Variants in POMP observed in about 807,000 individuals in gnomAD.
POMP encodes proteasome maturation protein.
Under a neutral mutation model 20.6 loss-of-function variants are expected in POMP, and 12 were observed. The observed-to-expected ratio is 0.58, with a 90% CI of 0.37 to 0.94. POMP has a LOEUF of 0.94. Among genes scored for constraint, POMP ranks in the 40% least tolerant of loss-of-function variants. The pLI, the probability that POMP is intolerant of heterozygous loss-of-function variation, is 0.01. For synonymous variants in POMP, 53 were observed against 55.0 expected, an observed-to-expected ratio of 0.96 and a Z score of 0.16; for missense variants, 136 against 161.1, an observed-to-expected ratio of 0.84 and a Z score of 0.84.
At position 28,678,062 on chromosome 13, in the gene POMP, A is replaced by G; in HGVS notation, c.386A>G (p.Glu129Gly). 6.2e-7 allele frequency: 1 copy of G among 1,614,098 alleles called. No homozygotes were observed. The highest frequency in any genetic ancestry group is 8.5e-7 in the Non-Finnish European group (1 of 1,179,986). The change falls in exon 6 of 6, where the codon GAG (glutamate) becomes GGG (glycine). Residue 129 changes from glutamate (E) to glycine (G), a missense_variant. Physicochemically the swap from Glu to Gly is moderately conservative, Grantham distance 98. Coordinates refer to ENST00000380842, the MANE Select transcript of POMP (RefSeq NM_015932.6). ...NDPSQSEVMG[E>G]PHLMVEYKLG... The stretch of plus-strand genomic sequence containing the variant: ...CCATCACAAAGCGAAGTCATGGGAG[A>G]GCCACACTTGATGGTGGAATATAAA...
At chr13:28,675,917 A>G (rs569660866) in intron 5 of POMP, among the ~76,000 whole-genome samples, 2 of 152,142 alleles carry the variant, frequency 1.3e-5, no homozygotes, top group Admixed American at 6.5e-5. Context: ...CAGAACAAGA[A>G]CTCACTTATC....
intron 1 of POMP, among the ~76,000 whole-genome samples, chr13:28,660,930 T>G (rs1884328170): frequency 6.6e-6 from 1 of 152,160 alleles, no homozygotes; most frequent in African/African-American, 2.4e-5. Context: ...AGAATGCTGT[T>G]GAAGTTATCC....
rs1047489241 is a variant in POMP at position 28,678,351 on chromosome 13, G to C, written c.*249G>C. 3 of 452,170 alleles carry C rather than the reference G, an allele frequency of 6.6e-6. No individual in the cohort carries two copies. Among genetic ancestry groups the C allele is most frequent in the Non-Finnish European group, 1.2e-5 (3 of 250,614 alleles). 28.0% of individuals were successfully genotyped at this position (452,170 alleles called of 1,614,324 possible). On this transcript the variant is annotated 3_prime_UTR_variant, in exon 6 of 6. Coordinates refer to ENST00000380842, the MANE Select transcript of POMP (RefSeq NM_015932.6). Reference sequence around the variant, plus strand: ...AGCCTTTGTCTTTAAAAAAGTTGTTGCTCATGAATATTATAAAATGATCTA... The same window carrying C: ...AGCCTTTGTCTTTAAAAAAGTTGTTCCTCATGAATATTATAAAATGATCTA...
intron 4 of POMP, among the ~76,000 whole-genome samples, 200 bp from the exon 5 acceptor site, chr13:28,672,139 A>G (rs1884558801): frequency 6.6e-6 from 1 of 152,260 alleles, no homozygotes; most frequent in Non-Finnish European, 1.5e-5. Flanking sequence ...ATTGTTAATG[A>G]AAAGTATAAT....
intron 5 of POMP, among the ~76,000 whole-genome samples, chr13:28,675,202 G>A (rs992067000): frequency 5.9e-5 from 9 of 151,512 alleles, no homozygotes; most frequent in East Asian, 1.9e-4. Context: ...GTGCAGTGGC[G>A]CGATCTCGGC....
intron 1 of POMP, among the ~76,000 whole-genome samples, chr13:28,661,022 C>T (rs371722752): frequency 7.4e-4 from 113 of 152,166 alleles, no homozygotes; most frequent in African/African-American, 2.4e-3. Flanking sequence ...AATATACAAA[C>T]GAATTAAGAA....
At position 28,668,690 on chromosome 13, in the gene POMP, C is replaced by G. The variant is rs1884488121; in HGVS notation, c.264+116C>G. ...TACAACCTATTCTACTTCCCTCCCC[C>G]TTTTTAGGGTATGACCTTGATTTCT... On this transcript the variant is annotated intron_variant, in intron 4 of 5. Coordinates refer to ENST00000380842, the MANE Select transcript of POMP (RefSeq NM_015932.6). 7.3e-6 allele frequency: 6 copies of G among 819,958 alleles called. No homozygotes were observed. In the South Asian group the frequency reaches 8.7e-5, roughly 12 times the overall value. The allele number at this position is 819,958 out of a possible 1,614,324, so 50.8% of individuals were successfully genotyped here.
At chr13:28,668,441 T>TG in intron 3 of POMP, 32 bp from the exon 4 acceptor site, 3 of 1,450,138 alleles carry the variant, frequency 2.1e-6, no homozygotes, top group Non-Finnish European at 2.9e-6. Flanking sequence ...GAGTATTGAG[T>TG]GTAATGTTTA....
intron 5 of POMP, among the ~76,000 whole-genome samples, chr13:28,676,754 G>A (rs973085049): frequency 5.3e-5 from 8 of 152,166 alleles, no homozygotes; most frequent in African/African-American, 1.9e-4. Context: ...AAGGACACTA[G>A]TAGAATCAAA....
chr13:28,671,182 G>A (rs1460678322), intron 4 of POMP, among the ~76,000 whole-genome samples: 5 of 152,092 alleles, frequency 3.3e-5, no homozygotes, highest in African/African-American at 1.2e-4. Flanking sequence ...GTTGAATCTT[G>A]GCTTAGCCAT....
rs1319412491 is a variant in POMP, at chr13:28,659,192, G to A, written c.3+5G>A. On this transcript the variant is annotated splice_donor_5th_base_variant and intron_variant, in intron 1 of 5. Transcript: ENST00000380842. ...TTCGCAGAGCTGCGGAAGATGGTGA[G>A]TGGGTACCCGGGCGGCTGGAGTTCC... is the stretch of plus-strand genomic sequence containing the variant. 1.3e-6 allele frequency: 2 copies of A among 1,590,502 alleles called. No individual in the cohort carries two copies. Among genetic ancestry groups the A allele is most frequent in the East Asian group, 2.3e-5 (1 of 43,272 alleles).
intron 3 of POMP, among the ~76,000 whole-genome samples, chr13:28,665,709 T>C (rs1419311844): frequency 6.6e-6 from 1 of 152,232 alleles, no homozygotes; most frequent in Non-Finnish European, 1.5e-5. Flanking sequence ...GCAGTGATCA[T>C]CAGCATCTGA....
chr13:28,670,283 T>C (rs948640878), intron 4 of POMP, among the ~76,000 whole-genome samples: 2 of 152,194 alleles, frequency 1.3e-5, no homozygotes, highest in African/African-American at 4.8e-5. Flanking sequence ...TTATCCCATA[T>C]GAATAGGTTT....
intron 4 of POMP, among the ~76,000 whole-genome samples, chr13:28,671,235 A>G (rs1056761869): frequency 2.6e-5 from 4 of 152,162 alleles, no homozygotes; most frequent in African/African-American, 9.7e-5. Context: ...AGCTTTCTGA[A>G]CCTTAGATTT....
rs1593173632 is a variant in POMP, at chr13:28,668,488, G to A, written c.178G>A (p.Asp60Asn). 1 of 1,608,490 alleles carries A rather than the reference G, an allele frequency of 6.2e-7. No homozygotes were observed. Among genetic ancestry groups the A allele is most frequent in the East Asian group, 2.2e-5 (1 of 44,820 alleles). ...LSEKNFQLNQ[D>N]KMNFSTLRNI... ...TCTTTTGTAGTTCCAGCTCAACCAA[G>A]ATAAAATGAATTTTTCCACACTGAG... The change falls in exon 4 of 6, where the codon GAT becomes AAT. Residue 60 changes from aspartate to asparagine, a missense_variant. By Grantham distance (23) the Asp-to-Asn change is conservative. Coordinates refer to ENST00000380842, the MANE Select transcript of POMP (RefSeq NM_015932.6).
chr13:28,675,646 C>T (rs1792071), intron 5 of POMP, among the ~76,000 whole-genome samples: 6,768 of 152,214 alleles, frequency 0.044, 502 homozygotes, highest in African/African-American at 0.15. Context: ...GAGAGTCCTC[C>T]GTTAACTACT....
Position 28,672,382 on chromosome 13 carries a change from A to C in POMP, c.308A>C (p.Asp103Ala). The C allele has an allele frequency of 6.2e-7, 1 of 1,611,228 alleles. No individual in the cohort carries two copies. Residue 103 changes from aspartate to alanine, a missense_variant, in exon 5 of 6, where the codon GAT (aspartate) becomes GCT (alanine). Physicochemically the swap from Asp to Ala is moderately radical, Grantham distance 126. Transcript: ENST00000380842. Reference protein sequence around the residue: ...PFLSSSNLSLDVLRGNDETIG... With the variant: ...PFLSSSNLSLAVLRGNDETIG... ...CTTTCAAGCTCAAATCTTTCACTGG[A>C]TGTTTTGAGGGGTAATGATGAGACT...
intron 1 of POMP, among the ~76,000 whole-genome samples, chr13:28,660,807 G>T (rs760871408): frequency 6.6e-6 from 1 of 152,134 alleles, no homozygotes; most frequent in Non-Finnish European, 1.5e-5. Context: ...TTCAGACATC[G>T]ATGAACCAAC....
chr13:28,663,611 T>A (rs1884387859), intron 2 of POMP, among the ~76,000 whole-genome samples: 1 of 152,198 alleles, frequency 6.6e-6, no homozygotes, highest in Admixed American at 6.5e-5. Flanking sequence ...CGTCTGGCCG[T>A]AATTTACTCT....
Sources: gnomAD v4.1 joint callset for allele counts (sites outside exome capture counted in the v4.1 genomes callset) on GRCh38, gnomAD v4.1.1 for gene constraint, MANE v1.5 for transcripts, NCBI Gene and HGNC (gene_info 2026-07-23, HGNC 2026-07-21) for gene names.